Variants in AFTPH observed in about 807,000 individuals in gnomAD.
AFTPH encodes the protein aftiphilin protein.
AFTPH carries 7 observed loss-of-function variants against 72.5 expected under a neutral mutation model. That is an observed-to-expected ratio of 0.10 (90% confidence interval 0.05 to 0.18). The LOEUF (loss-of-function observed/expected upper bound fraction) is 0.18. AFTPH is among the 10% of genes least tolerant of loss of function. The pLI, the probability that AFTPH is intolerant of heterozygous loss-of-function variation, is 1.00. For missense variants in AFTPH, 979 were observed against 1,060.5 expected (o/e 0.92, Z 1.07); for synonymous variants, 337 against 370.1 (o/e 0.91, Z 1.03).
intron 6 of AFTPH, among the ~76,000 whole-genome samples, chr2:64,576,820 G>A (rs1176885796): frequency 2.6e-5 from 4 of 152,068 alleles, no homozygotes; most frequent in South Asian, 4.2e-4. Flanking sequence ...GTGCAATGGC[G>A]CAGTCTCAGG....
chr2:64,552,923 T>C (rs755362575), exon 2 of AFTPH: 19 of 1,614,038 alleles, frequency 1.2e-5, no homozygotes, highest in Non-Finnish European at 1.6e-5. Context: ...AATTTGGGGA[T>C]ATAAATGCTG....
intron 7 of AFTPH, chr2:64,580,732 T>C (rs1673143481): frequency 6.5e-6 from 1 of 153,168 alleles, no homozygotes; most frequent in African/African-American, 2.4e-5. Flanking sequence ...GTGCGTGTCC[T>C]GAAACTGACA....
chr2:64,547,240 A>G (rs186223589), intron 1 of AFTPH, among the ~76,000 whole-genome samples: 86 of 152,310 alleles, frequency 5.6e-4, no homozygotes, highest in Middle Eastern at 3.4e-3. Flanking sequence ...TTCTTCTTCA[A>G]TCTGAAACAG....
chr2:64,558,035 A>C (rs960778561), intron 2 of AFTPH, among the ~76,000 whole-genome samples: 1 of 152,188 alleles, frequency 6.6e-6, no homozygotes, highest in African/African-American at 2.4e-5. Context: ...ATTGTACTTG[A>C]TAGCTTACTT....
At chr2:64,556,868 A>AT (rs376445706) in intron 2 of AFTPH, among the ~76,000 whole-genome samples, 1 of 152,128 alleles carries the variant, frequency 6.6e-6, no homozygotes, top group Non-Finnish European at 1.5e-5. Context: ...TCGGTGAATA[A>AT]TTTTTTCTGA....
At chr2:64,532,861 T>A (rs1669701406) in intron 1 of AFTPH, among the ~76,000 whole-genome samples, 1 of 152,200 alleles carries the variant, frequency 6.6e-6, no homozygotes, top group Non-Finnish European at 1.5e-5. Context: ...TTTGAGTGTG[T>A]TTAATACCTA....
intron 8 of AFTPH, among the ~76,000 whole-genome samples, chr2:64,588,369 T>C (rs1332946228): frequency 6.6e-6 from 1 of 152,262 alleles, no homozygotes; most frequent in Non-Finnish European, 1.5e-5. Context: ...TTTTCACTTT[T>C]TGACTATTAT....
intron 2 of AFTPH, among the ~76,000 whole-genome samples, chr2:64,561,068 A>G (rs866385751): frequency 5.9e-5 from 9 of 152,222 alleles, no homozygotes; most frequent in Middle Eastern, 3.2e-3. Context: ...ACTTCTGTGT[A>G]AGTAGCATAG....
At position 64,591,749 on chromosome 2, in the gene AFTPH, A is replaced by G. The variant is rs1026238994; in HGVS notation, c.2580-136A>G. ...GAAGCATACTGCACAAAAGTATTACAAGATTCAGGAACTAGCAGAGGAAAA... is the reference window on the plus strand; with the variant it reads ...GAAGCATACTGCACAAAAGTATTACGAGATTCAGGAACTAGCAGAGGAAAA... On this transcript the variant is annotated intron_variant, in intron 8 of 8. Transcript: ENST00000238856. 5.9e-6 allele frequency: 5 copies of G among 854,378 alleles called. No individual in the cohort carries two copies. In the East Asian group the frequency reaches 1.3e-4, roughly 22 times the overall value. The allele number at this position is 854,378 out of a possible 1,614,324, so 52.9% of individuals were successfully genotyped here. A position where few individuals can be genotyped will look rare whatever the true frequency, so the allele number is the denominator to read the frequency against.
At chr2:64,592,204 A>G (rs1235084977) in exon 9 of AFTPH, 4 of 523,780 alleles carry the variant, frequency 7.6e-6, no homozygotes, top group Non-Finnish European at 1.3e-5. Flanking sequence ...ATTTATTTAC[A>G]TACTGAAGTC....
At chr2:64,576,891 T>G (rs1243624336) in intron 6 of AFTPH, among the ~76,000 whole-genome samples, 1 of 148,284 alleles carries the variant, frequency 6.7e-6, no homozygotes, top group Admixed American at 6.6e-5. Context: ...CCTGAGTAGC[T>G]GGGATTGCAG....
intron 2 of AFTPH, among the ~76,000 whole-genome samples, chr2:64,565,895 T>C (rs746247545): frequency 7.2e-5 from 11 of 152,246 alleles, no homozygotes; most frequent in Admixed American, 1.3e-4. Context: ...AGAATTTTAC[T>C]GGTGTCTTGA....
chr2:64,587,427 C>G (rs1442748842), intron 8 of AFTPH, among the ~76,000 whole-genome samples: 1 of 152,198 alleles, frequency 6.6e-6, no homozygotes, highest in Admixed American at 6.5e-5. Context: ...ACGAGTGATT[C>G]TCAATCGTAC....
intron 1 of AFTPH, among the ~76,000 whole-genome samples, chr2:64,547,974 C>T (rs927282971): frequency 6.6e-6 from 1 of 151,840 alleles, no homozygotes; most frequent in African/African-American, 2.4e-5. Context: ...TTTGTAAAGA[C>T]AGGGTTACAT....
chr2:64,549,908 T>C (rs1670928925), intron 1 of AFTPH, among the ~76,000 whole-genome samples: 2 of 152,208 alleles, frequency 1.3e-5, no homozygotes, highest in African/African-American at 4.8e-5. Flanking sequence ...TTATTAACTT[T>C]TATATGACAG....
chr2:64,560,207 G>A (rs377287628), intron 2 of AFTPH, among the ~76,000 whole-genome samples: 1 of 152,158 alleles, frequency 6.6e-6, no homozygotes, highest in African/African-American at 2.4e-5. Context: ...AGTGGATAAA[G>A]TGAAATGGCT....
intron 6 of AFTPH, among the ~76,000 whole-genome samples, chr2:64,574,679 A>G (rs978475886): frequency 1.6e-4 from 25 of 152,364 alleles, no homozygotes; most frequent in African/African-American, 5.3e-4. Context: ...GCTTATTACT[A>G]GCACTGAATT....
At chr2:64,568,408 T>G (rs958759108) in intron 3 of AFTPH, among the ~76,000 whole-genome samples, 2 of 152,182 alleles carry the variant, frequency 1.3e-5, no homozygotes, top group African/African-American at 4.8e-5. Context: ...ATCCAACACC[T>G]TATCATTCTG....
intron 2 of AFTPH, among the ~76,000 whole-genome samples, chr2:64,554,032 A>G (rs1311078440): frequency 6.6e-6 from 1 of 152,184 alleles, no homozygotes; most frequent in African/African-American, 2.4e-5. Flanking sequence ...GGGTGAGGGT[A>G]TGAGATGAAT....
Sources: gnomAD v4.1 joint callset for allele counts (sites outside exome capture counted in the v4.1 genomes callset) on GRCh38, gnomAD v4.1.1 for gene constraint, MANE v1.5 for transcripts, NCBI Gene and HGNC (gene_info 2026-07-23, HGNC 2026-07-21) for gene names.